Variants in TRPM8 observed in about 807,000 individuals in gnomAD.
TRPM8 encodes the protein TRPM8 cationic channel.
Under a neutral mutation model 133.7 loss-of-function variants are expected in TRPM8, and 110 were observed. The observed-to-expected ratio is 0.82, with a 90% confidence interval of 0.70 to 0.96. TRPM8 has a LOEUF of 0.96. Among genes scored for constraint, TRPM8 ranks in the 40% least tolerant of loss-of-function variants. TRPM8 has a pLI of 0.00. For missense variants in TRPM8, 1,291 were observed against 1,379.5 expected, an observed-to-expected ratio of 0.94 and a Z score of 1.02; for synonymous variants, 535 against 532.3, an observed-to-expected ratio of 1.01 and a Z score of -0.07.
chr2:233,965,644 G>A (rs1385510277), intron 14 of TRPM8, among the ~76,000 whole-genome samples: 1 of 152,118 alleles, frequency 6.6e-6, no homozygotes, highest in Non-Finnish European at 1.5e-5. Context: ...ACATGCTCAT[G>A]AGTTTAGCTT....
chr2:233,942,877 G>A, intron 6 of TRPM8, 129 bp downstream of exon 6: 2 of 1,062,046 alleles, frequency 1.9e-6, no homozygotes, highest in Non-Finnish European at 1.5e-6. Flanking sequence ...CTTTCAAGGA[G>A]TGCCTTTGGG....
chr2:233,994,448 C>G (rs923362993), intron 21 of TRPM8, among the ~76,000 whole-genome samples: 2 of 152,164 alleles, frequency 1.3e-5, no homozygotes, highest in Non-Finnish European at 2.9e-5. Flanking sequence ...AACCAATTTA[C>G]AGGCATAGCA....
chr2:233,982,893 G>A (rs1157962360), intron 19 of TRPM8, among the ~76,000 whole-genome samples, 160 bp from the exon 20 acceptor site: 1 of 152,170 alleles, frequency 6.6e-6, no homozygotes, highest in Non-Finnish European at 1.5e-5. Context: ...AGATGATGAT[G>A]ACCGCTTTTG....
At chr2:233,953,832 A>C (rs915074448) in intron 9 of TRPM8, 85 bp from the exon 10 acceptor site, 2 of 1,016,964 alleles carry the variant, frequency 2.0e-6, no homozygotes, top group African/African-American at 3.3e-5. Context: ...GGTCTTTTTA[A>C]AAAGATCTCT....
Position 234,007,563 on chromosome 2 carries a change from G to A in TRPM8, c.3231-507G>A, listed in dbSNP as rs539076900. ...TAATGTGTTGTGAAGTCTATAGAGC[G>A]TGCTCTTATTGTAAATGTTAACGTT... On this transcript the variant is annotated intron_variant, in intron 23 of 25. Coordinates refer to ENST00000324695, the MANE Select transcript of TRPM8 (RefSeq NM_024080.5). 7.2e-5 allele frequency among the ~76,000 whole-genome samples: 11 copies of A among 152,258 alleles called. No homozygotes were observed. In the South Asian group the frequency reaches 1.2e-3, roughly 17 times the overall value.
intron 17 of TRPM8, among the ~76,000 whole-genome samples, chr2:233,977,124 G>A (rs1215141461): frequency 1.3e-5 from 2 of 152,206 alleles, no homozygotes; most frequent in African/African-American, 4.8e-5. Flanking sequence ...TCGAAATGCT[G>A]ATTTGGAATT....
chr2:233,929,011 T>G (rs1691629478), intron 2 of TRPM8, among the ~76,000 whole-genome samples: 2 of 151,682 alleles, frequency 1.3e-5, no homozygotes, highest in Non-Finnish European at 2.9e-5. Flanking sequence ...TTTTTTTTAT[T>G]TTTTTGCTCA....
intron 8 of TRPM8, among the ~76,000 whole-genome samples, chr2:233,948,994 A>C (rs545756645): frequency 1.3e-5 from 2 of 152,210 alleles, no homozygotes; most frequent in Non-Finnish European, 2.9e-5. Flanking sequence ...AGATTGCGCC[A>C]TTGCACTCCA....
intron 19 of TRPM8, among the ~76,000 whole-genome samples, chr2:233,982,301 G>A (rs537010642): frequency 1.4e-4 from 22 of 152,318 alleles, no homozygotes; most frequent in African/African-American, 4.8e-4. Flanking sequence ...TGAGCTAGAC[G>A]CATAGTGAGG....
chr2:233,986,934 A>T (rs1692160789), intron 21 of TRPM8, among the ~76,000 whole-genome samples: 1 of 152,244 alleles, frequency 6.6e-6, no homozygotes, highest in Non-Finnish European at 1.5e-5. Context: ...TAAACCCAGC[A>T]GATGAACGAA....
At chr2:233,959,325 CTT>C (rs778556639) in intron 11 of TRPM8, among the ~76,000 whole-genome samples, 12 of 106,288 alleles carry the variant, frequency 1.1e-4, no homozygotes, top group Non-Finnish European at 1.5e-4. Flanking sequence ...CTCGCCCAGC[CTT>C]TTTTTTTTTT....
At position 234,018,845 on chromosome 2, in the gene TRPM8, AAAAT is replaced by A. The variant is rs55805312; in HGVS notation, c.*1623_*1626del. The A allele has an allele frequency of 0.031, 4,381 of 141,852 alleles. 86 individuals are homozygous for A. Among genetic ancestry groups the A allele is most frequent in the South Asian group, 0.063 (272 of 4,314 alleles). The allele number at this position is 141,852 out of a possible 1,614,324, so 8.8% of individuals were successfully genotyped here. On this transcript the variant is annotated 3_prime_UTR_variant, in exon 26 of 26. Transcript: ENST00000324695. The stretch of plus-strand genomic sequence containing the variant: ...GGGTGACAGAGTGAGACTCCGACTG[AAAAT>A]AAATAAATAAATAAATAAATAAATA...
At chr2:234,017,237 C>T in intron 25 of TRPM8, 62 bp from the exon 26 acceptor site, 1 of 462,350 alleles carries the variant, frequency 2.2e-6, no homozygotes, top group Non-Finnish European at 4.5e-6. Flanking sequence ...AAACCATATC[C>T]TGCCTGAGAA....
At chr2:233,972,953 G>A (rs530327250) in intron 17 of TRPM8, among the ~76,000 whole-genome samples, 4 of 152,330 alleles carry the variant, frequency 2.6e-5, no homozygotes, top group South Asian at 2.1e-4. Flanking sequence ...CTCAAGTGCC[G>A]CCAAAGTGGG....
chr2:234,001,651 AC>A (rs143141287), intron 22 of TRPM8, among the ~76,000 whole-genome samples: 3 of 151,822 alleles, frequency 2.0e-5, no homozygotes, highest in South Asian at 4.2e-4. Flanking sequence ...GAAAAGGAGC[AC>A]CCCCCCTTAG....
chr2:233,996,307 T>G lies in TRPM8; in HGVS notation c.2940-19T>G. On this transcript the variant is annotated intron_variant, in intron 21 of 25. Transcript: ENST00000324695. ...GCATGCGCAATGCTAAGTCTTGGCC[T>G]TCTCTCTTCCCTCACCAGCTACACG... 4.3e-6 allele frequency: 7 copies of G among 1,612,854 alleles called. No individual in the cohort carries two copies. The highest frequency in any genetic ancestry group is 5.9e-6 in the Non-Finnish European group (7 of 1,179,274).
In TRPM8 at chr2:233,989,825, C is replaced by T. The variant is rs11563057; in HGVS notation, c.2939+3960C>T. Among the ~76,000 whole-genome samples the T allele has an allele frequency of 0.035, 5,362 of 152,190 alleles. 202 individuals are homozygous for T. The highest frequency in any genetic ancestry group is 0.19 in the East Asian group (971 of 5,176). ...TCACAGGGCCTGTGTGGCTTATCAG[C>T]GGCAGGAAGTGAATTTAAAGTCAGT... On this transcript the variant is annotated intron_variant, in intron 21 of 25. Coordinates refer to ENST00000324695, the MANE Select transcript of TRPM8 (RefSeq NM_024080.5). The surrounding 1 kb of genome is among the most constrained non-coding windows in gnomAD (Gnocchi z 4.2).
intron 17 of TRPM8, among the ~76,000 whole-genome samples, chr2:233,978,788 C>T (rs11689034): frequency 0.47 from 72,210 of 152,054 alleles, 17,297 homozygotes; most frequent in Middle Eastern, 0.53. Context: ...TGTTGACACA[C>T]CCCACGGTGC....
rs1421343848 is a variant in TRPM8, at chr2:234,018,000, A to C, written c.*744A>C. 1 of 152,212 alleles carries C rather than the reference A, an allele frequency of 6.6e-6. No individual in the cohort carries two copies. The highest frequency in any genetic ancestry group is 1.5e-5 in the Non-Finnish European group (1 of 68,054). 9.4% of individuals were successfully genotyped at this position (152,212 alleles called of 1,614,324 possible). A position where few individuals can be genotyped will look rare whatever the true frequency, so the allele number is the denominator to read the frequency against. On this transcript the variant is annotated 3_prime_UTR_variant, in exon 26 of 26. Transcript: ENST00000324695. ...TACTCCTCTTATTATTTTTCCATTA[A>C]AAATAATAGCTGGCTATTATAGAAA...
Sources: allele counts gnomAD v4.1 joint callset (sites outside exome capture counted in the v4.1 genomes callset), GRCh38; gene constraint gnomAD v4.1.1; non-coding constraint Gnocchi (gnomAD v3.1); transcripts MANE v1.5; gene names NCBI Gene and HGNC (gene_info 2026-07-23, HGNC 2026-07-21).